Variants in ARHGAP23 observed in about 807,000 individuals in gnomAD.
ARHGAP23 encodes the protein Rho GTPase activating protein 23.
A neutral mutation model predicts 136.3 loss-of-function variants in ARHGAP23; 34 were observed. That is an observed-to-expected ratio of 0.25 (90% CI 0.19 to 0.33). The LOEUF (loss-of-function observed/expected upper bound fraction) is 0.33. Among genes scored for constraint, ARHGAP23 ranks in the 10% least tolerant of loss-of-function variants. The pLI, the probability that ARHGAP23 is intolerant of heterozygous loss-of-function variation, is 1.00. For synonymous variants in ARHGAP23, 832 were observed against 920.5 expected, an observed-to-expected ratio of 0.90 and a Z score of 1.74; for missense variants, 1,808 against 2,139.0, an observed-to-expected ratio of 0.85 and a Z score of 3.05.
intron 1 of ARHGAP23, among the ~76,000 whole-genome samples, chr17:38,421,484 T>G (rs1340234526): frequency 6.6e-6 from 1 of 152,240 alleles, no homozygotes; most frequent in East Asian, 1.9e-4. Context: ...AATCAGAGCT[T>G]CTTTCATTGC....
At chr17:38,490,036 C>T (rs537148338) in intron 17 of ARHGAP23, 66 bp from the exon 18 acceptor site, 1 of 1,474,734 alleles carries the variant, frequency 6.8e-7, no homozygotes, top group South Asian at 1.2e-5. Flanking sequence ...CCAGCAGGGC[C>T]CTTGGCCGGG....
intron 1 of ARHGAP23, among the ~76,000 whole-genome samples, chr17:38,433,142 T>C (rs1242022528): frequency 6.6e-6 from 1 of 152,130 alleles, no homozygotes; most frequent in Non-Finnish European, 1.5e-5. Flanking sequence ...GTATTTTTTA[T>C]AGAGACAGGG....
At position 38,466,812 on chromosome 17, in the gene ARHGAP23, C is replaced by G; in HGVS notation, c.1129C>G (p.Arg377Gly). ...PGALVSPRFE[R>G]CGWASQRSSA... is the part of the protein sequence containing the mutation. ...GGCACTGGTGTCACCCCGCTTTGAG[C>G]GGTGTGGCTGGGCTTCCCAGCGTTC... is the stretch of plus-strand genomic sequence containing the variant. Residue 377 changes from arginine (R) to glycine (G), a missense_variant, in exon 7 of 24, where the codon CGG becomes GGG. Physicochemically the swap from Arg to Gly is moderately radical, Grantham distance 125. Coordinates refer to ENST00000622683, the MANE Select transcript of ARHGAP23 (RefSeq NM_001199417.2). 6.5e-7 allele frequency: 1 copy of G among 1,549,074 alleles called. No homozygotes were observed. Among genetic ancestry groups the G allele is most frequent in the Non-Finnish European group, 8.7e-7 (1 of 1,146,528 alleles).
Position 38,510,800 on chromosome 17 carries a change from G to T in ARHGAP23, c.4304G>T (p.Gly1435Val). Residue 1435 changes from glycine to valine, a missense_variant, in exon 24 of 24, where the codon GGC becomes GTC. By Grantham distance (109) the Gly-to-Val change is moderately radical. This residue lies in a region of ARHGAP23 where 506 missense variants were observed against 455.8 expected (regional missense o/e 1.11). Coordinates refer to ENST00000622683, the MANE Select transcript of ARHGAP23 (RefSeq NM_001199417.2). This position sits in a 1 kb window ranked among gnomAD's most constrained non-coding sequence, Gnocchi z 4.6. Reference sequence around the variant, plus strand: ...GGAGGGGGCCCCCCGGAGCCTGCGGGCGCGCGGGCGCACAGTGACAACAAG... The same window carrying T: ...GGAGGGGGCCCCCCGGAGCCTGCGGTCGCGCGGGCGCACAGTGACAACAAG... The part of the protein sequence containing the change: ...LGGGGPPEPA[G>V]ARAHSDNKDS... 1 of 1,502,730 alleles carries T rather than the reference G, an allele frequency of 6.7e-7. No individual in the cohort carries two copies. The highest frequency in any genetic ancestry group is 8.9e-7 in the Non-Finnish European group (1 of 1,128,964). The allele number at this position is 1,502,730 out of a possible 1,614,324, so 93.1% of individuals were successfully genotyped here.
chr17:38,462,930 G>C lies in ARHGAP23; in HGVS notation c.338G>C (p.Gly113Ala). The change falls in exon 4 of 24, where the codon GGG becomes GCG. Residue 113 changes from glycine (G) to alanine (A), a missense_variant. Gly to Ala is a moderately conservative substitution (Grantham distance 60, BLOSUM62 0). Coordinates refer to ENST00000622683, the MANE Select transcript of ARHGAP23 (RefSeq NM_001199417.2). ...VKEDGPAHRA[G>A]LRTGDRLVKV... ...GAAGACGGCCCTGCCCATAGGGCGG[G>C]GCTTCGCACAGGTGAGCTGGCCCAG... The C allele has an allele frequency of 6.5e-7, 1 of 1,541,282 alleles. No homozygotes were observed. The highest frequency in any genetic ancestry group is 8.7e-7 in the Non-Finnish European group (1 of 1,144,348).
chr17:38,500,668 A>G, intron 23 of ARHGAP23, 40 bp downstream of exon 23: 1 of 1,534,904 alleles, frequency 6.5e-7, no homozygotes, highest in Admixed American at 2.0e-5. Context: ...ATCCCTGTAC[A>G]AGGCAGCCCA....
At chr17:38,433,912 C>T (rs1171637637) in intron 1 of ARHGAP23, among the ~76,000 whole-genome samples, 1 of 152,104 alleles carries the variant, frequency 6.6e-6, no homozygotes, top group Non-Finnish European at 1.5e-5. Context: ...CCCGGGGTTG[C>T]GTCATCATCC....
At chr17:38,455,956 C>G (rs919202714) in intron 1 of ARHGAP23, among the ~76,000 whole-genome samples, 1 of 152,192 alleles carries the variant, frequency 6.6e-6, no homozygotes, top group East Asian at 1.9e-4. Context: ...GATGTCAAAA[C>G]CCCTGCTGAG....
At chr17:38,421,353 G>T (rs1388302074) in intron 1 of ARHGAP23, among the ~76,000 whole-genome samples, 8 of 152,172 alleles carry the variant, frequency 5.3e-5, no homozygotes, top group African/African-American at 1.9e-4. Flanking sequence ...GGACTGTGAG[G>T]TCCCTCCCCA....
intron 23 of ARHGAP23, among the ~76,000 whole-genome samples, chr17:38,502,783 G>T (rs1261238482): frequency 8.5e-5 from 13 of 152,326 alleles, no homozygotes; most frequent in Non-Finnish European, 1.2e-4. Context: ...GGTGGCTCAC[G>T]CCTATAATCC....
chr17:38,448,258 C>T (rs1597761578), intron 1 of ARHGAP23, among the ~76,000 whole-genome samples: 2 of 152,078 alleles, frequency 1.3e-5, no homozygotes, highest in South Asian at 4.2e-4. Flanking sequence ...GATGAGCTTG[C>T]CTGGGTCTAT....
Position 38,467,269 on chromosome 17 carries a change from T to C in ARHGAP23, c.1586T>C (p.Leu529Pro). The C allele has an allele frequency of 6.5e-7, 1 of 1,543,096 alleles. No individual in the cohort carries two copies. The highest frequency in any genetic ancestry group is 8.7e-7 in the Non-Finnish European group (1 of 1,143,304). Residue 529 changes from leucine (L) to proline (P), a missense_variant, in exon 7 of 24, where the codon CTG (leucine) becomes CCG (proline). This residue lies in a region of ARHGAP23 where 859 missense variants were observed against 936.4 expected (regional missense o/e 0.92). Coordinates refer to ENST00000622683, the MANE Select transcript of ARHGAP23 (RefSeq NM_001199417.2). ...EPEASGRGER[L>P]GRKVAPLATT... ...GAGGCCAGTGGGCGAGGGGAACGCC[T>C]GGGCAGGAAGGTGGCCCCTTTGGCC...
chr17:38,496,193 G>A (rs762951459), intron 20 of ARHGAP23, among the ~76,000 whole-genome samples: 12 of 152,034 alleles, frequency 7.9e-5, no homozygotes, highest in Admixed American at 3.9e-4. Context: ...TCACTGCACC[G>A]GGCCTGTCAC....
At chr17:38,472,221 G>A (rs2039777077) in intron 11 of ARHGAP23, among the ~76,000 whole-genome samples, 1 of 152,206 alleles carries the variant, frequency 6.6e-6, no homozygotes, top group South Asian at 2.1e-4. Context: ...GCTGTGGGAT[G>A]GATCTGATCG....
intron 1 of ARHGAP23, among the ~76,000 whole-genome samples, chr17:38,449,878 C>G (rs1021183736): frequency 2.0e-5 from 3 of 152,128 alleles, no homozygotes; most frequent in Non-Finnish European, 2.9e-5. Flanking sequence ...CGACCCTGAG[C>G]CCCTCTCTCA....
At chr17:38,500,086 TC>T (rs769543300) in intron 22 of ARHGAP23, among the ~76,000 whole-genome samples, 5 of 152,208 alleles carry the variant, frequency 3.3e-5, no homozygotes, top group Non-Finnish European at 5.9e-5. Flanking sequence ...TGCCCTTTTA[TC>T]CATTATTCAT....
chr17:38,463,300 C>G, intron 5 of ARHGAP23, 28 bp from the exon 6 acceptor site: 1 of 1,551,686 alleles, frequency 6.4e-7, no homozygotes, highest in Non-Finnish European at 8.7e-7. Context: ...TTCCTTGACC[C>G]AGCCTGACGT....
At position 38,474,328 on chromosome 17, in the gene ARHGAP23, C is replaced by T. The variant is rs547450535; in HGVS notation, c.2118+2322C>T. Reference sequence around the variant, plus strand: ...TTGTCCAGGTGAGTGAGGCTGGGGGCCCTGACCCAAGGCAGTGGTGTGAGG... The same window carrying T: ...TTGTCCAGGTGAGTGAGGCTGGGGGTCCTGACCCAAGGCAGTGGTGTGAGG... On this transcript the variant is annotated intron_variant, in intron 11 of 23. Transcript: ENST00000622683. Among the ~76,000 whole-genome samples, 3 of 152,258 alleles carry T rather than the reference C, an allele frequency of 2.0e-5. No individual in the cohort carries two copies. The South Asian group carries it at 6.2e-4, about 32-fold the overall frequency.
chr17:38,428,390 C>A (rs1453444891), upstream of ARHGAP23: 5,555 of 453,882 alleles, frequency 0.012, 89 homozygotes, highest in Middle Eastern at 0.015. Flanking sequence ...GGGGCCCCCC[C>A]ACACCGCGCT....
Sources: allele counts gnomAD v4.1 joint callset (sites outside exome capture counted in the v4.1 genomes callset), GRCh38; gene constraint gnomAD v4.1.1; regional missense constraint gnomAD v4.1.1; non-coding constraint Gnocchi (gnomAD v3.1); transcripts MANE v1.5; gene names NCBI Gene and HGNC (gene_info 2026-07-23, HGNC 2026-07-21).